ACAP2: variants seen among roughly 807,000 people sequenced by gnomAD.
The protein encoded by ACAP2 is arf-GAP with coiled-coil, ANK repeat and PH domain-containing protein 2.
Under a neutral mutation model 115.8 loss-of-function variants are expected in ACAP2, and 39 were observed. The ratio of observed to expected loss-of-function variants is 0.34; its 90% CI spans 0.26 to 0.44. The LOEUF is 0.44. Among genes scored for constraint, ACAP2 ranks in the 20% least tolerant of loss-of-function variants. ACAP2 has a pLI of 1.00. For synonymous variants in ACAP2, 289 were observed against 315.8 expected (o/e 0.92, Z 0.90); for missense variants, 662 against 927.6 (o/e 0.71, Z 3.72).
intron 4 of ACAP2, among the ~76,000 whole-genome samples, chr3:195,363,648 A>ACACACAC (rs1560288912): frequency 1.8e-4 from 15 of 82,630 alleles, no homozygotes; most frequent in African/African-American, 6.7e-4. Flanking sequence ...CACACACACA[A>ACACACAC]AAACAGAATA....
At chr3:195,330,231 A>C (rs1359230868) in intron 8 of ACAP2, among the ~76,000 whole-genome samples, 1 of 152,082 alleles carries the variant, frequency 6.6e-6, no homozygotes, top group Non-Finnish European at 1.5e-5. Flanking sequence ...TAACCCTCAA[A>C]TCTAACCATT....
At chr3:195,292,212 AT>A (rs34841748) in intron 19 of ACAP2, 52 bp downstream of exon 19, 32,018 of 1,501,644 alleles carry the variant, frequency 0.021, 937 homozygotes, top group South Asian at 0.097. Flanking sequence ...ACATATTATG[AT>A]TTTTTTTAAA....
intron 1 of ACAP2, among the ~76,000 whole-genome samples, chr3:195,402,496 G>A (rs1404872916): frequency 2.6e-5 from 4 of 152,152 alleles, no homozygotes; most frequent in African/African-American, 7.2e-5. Flanking sequence ...ATACAAGGTC[G>A]CACCTATTTA....
At chr3:195,294,498 A>C (rs2108935258) in intron 18 of ACAP2, among the ~76,000 whole-genome samples, 1 of 151,188 alleles carries the variant, frequency 6.6e-6, no homozygotes, top group African/African-American at 2.4e-5. Context: ...GAATCACTTG[A>C]AACTGGAAGG....
intron 18 of ACAP2, 88 bp downstream of exon 18, chr3:195,294,630 TA>T (rs1727524417): frequency 3.1e-5 from 7 of 225,704 alleles, no homozygotes; most frequent in Admixed American, 5.8e-5. Flanking sequence ...TATATATATA[TA>T]ATTTTTTTTT....
At chr3:195,436,792 T>A (rs958270700) in intron 1 of ACAP2, among the ~76,000 whole-genome samples, 5 of 152,178 alleles carry the variant, frequency 3.3e-5, no homozygotes, top group African/African-American at 1.2e-4. Context: ...GCGATTCATT[T>A]TAAATCAATG....
chr3:195,416,260 C>T (rs976482615), intron 1 of ACAP2, among the ~76,000 whole-genome samples: 3 of 151,716 alleles, frequency 2.0e-5, no homozygotes, highest in East Asian at 1.9e-4. Context: ...GCAGGAGAAT[C>T]GCTTGAACCC....
intron 13 of ACAP2, among the ~76,000 whole-genome samples, chr3:195,306,136 C>T (rs753549956): frequency 3.0e-4 from 45 of 152,262 alleles, no homozygotes; most frequent in Non-Finnish European, 5.9e-4. Flanking sequence ...GGGCCTTCAC[C>T]TAAGAGACAA....
intron 4 of ACAP2, among the ~76,000 whole-genome samples, chr3:195,356,945 G>A (rs1732012536): frequency 6.6e-6 from 1 of 151,688 alleles, no homozygotes; most frequent in Non-Finnish European, 1.5e-5. Context: ...TTGAGAAAAG[G>A]GGAGGGAAAA....
At chr3:195,348,375 CCA>C (rs1731320869) in intron 4 of ACAP2, among the ~76,000 whole-genome samples, 1 of 151,808 alleles carries the variant, frequency 6.6e-6, no homozygotes, top group Admixed American at 6.6e-5. Flanking sequence ...GTGAAAAACT[CCA>C]CAAAGATGTC....
intron 1 of ACAP2, among the ~76,000 whole-genome samples, chr3:195,413,807 A>C (rs1713485514): frequency 1.3e-5 from 2 of 151,898 alleles, no homozygotes; most frequent in Admixed American, 1.3e-4. Flanking sequence ...CAGACACCTT[A>C]GTAAAGAAAA....
intron 22 of ACAP2, chr3:195,285,503 G>A (rs569942002): frequency 1.5e-4 from 47 of 310,074 alleles, no homozygotes; most frequent in African/African-American, 9.6e-4. Context: ...AATGTATATG[G>A]AAGACATCCG....
intron 1 of ACAP2, among the ~76,000 whole-genome samples, chr3:195,429,425 A>G (rs559596124): frequency 1.3e-5 from 2 of 151,876 alleles, no homozygotes; most frequent in East Asian, 1.9e-4. Flanking sequence ...AAAAACATGG[A>G]TCAATCTCAT....
intron 1 of ACAP2, among the ~76,000 whole-genome samples, chr3:195,396,874 C>A (rs191893988): frequency 7.1e-6 from 1 of 141,804 alleles, no homozygotes; most frequent in Non-Finnish European, 1.5e-5. Context: ...AAACTAACAA[C>A]CACCACCAAA....
intron 4 of ACAP2, chr3:195,357,550 T>G (rs1381314820): frequency 6.6e-6 from 1 of 152,272 alleles, no homozygotes; most frequent in Non-Finnish European, 1.5e-5. Flanking sequence ...TGGCTTCAGA[T>G]CTGACGAAGT....
chr3:195,354,765 A>T (rs1731843574), intron 4 of ACAP2, among the ~76,000 whole-genome samples: 1 of 152,232 alleles, frequency 6.6e-6, no homozygotes, highest in Admixed American at 6.5e-5. Context: ...CCTGGATACT[A>T]CTGCCTTTAA....
intron 7 of ACAP2, chr3:195,336,120 T>C (rs920542799): frequency 6.6e-6 from 1 of 151,330 alleles, no homozygotes; most frequent in African/African-American, 2.4e-5. Context: ...GCCAGGCTGA[T>C]CTCGAACTCC....
chr3:195,302,339 G>A (rs1728117916), intron 13 of ACAP2, among the ~76,000 whole-genome samples, 165 bp from the exon 14 acceptor site: 1 of 152,186 alleles, frequency 6.6e-6, no homozygotes, highest in African/African-American at 2.4e-5. Flanking sequence ...AAAAGATGTA[G>A]GTTCTTCCAT....
chr3:195,414,126 T>C lies in ACAP2; in HGVS notation c.54-21979A>G, dbSNP rs553748889. ...ACAAGGAGAAACCACTACACACCTA[T>C]TAGAATGATCAAAATCTAGAACATG... On this transcript the variant is annotated intron_variant, in intron 1 of 22. Transcript: ENST00000326793. Among the ~76,000 whole-genome samples the C allele has an allele frequency of 1.6e-4, 24 of 152,324 alleles. No homozygotes were observed. In the South Asian group the frequency reaches 4.4e-3, roughly 28 times the overall value.
Sources: gnomAD v4.1 joint callset for allele counts (sites outside exome capture counted in the v4.1 genomes callset) on GRCh38, gnomAD v4.1.1 for gene constraint, MANE v1.5 for transcripts, NCBI Gene and HGNC (gene_info 2026-07-23, HGNC 2026-07-21) for gene names.